MAGI2: variants seen among roughly 807,000 people sequenced by gnomAD.
MAGI2 encodes the protein membrane-associated guanylate kinase, WW and PDZ domain-containing protein 2.
In MAGI2, 35 loss-of-function variants were observed where a neutral mutation model predicts 133.3. That is an observed-to-expected ratio of 0.26 (90% CI 0.20 to 0.35). The LOEUF (loss-of-function observed/expected upper bound fraction) is 0.35, where lower values mean the gene tolerates loss of function less well. MAGI2 is among the 10% of genes least tolerant of loss of function. The pLI is 1.00. For synonymous variants in MAGI2, 729 were observed against 710.6 expected (o/e 1.03, Z -0.41); for missense variants, 1,636 against 1,863.4 (o/e 0.88, Z 2.25).
intron 12 of MAGI2, among the ~76,000 whole-genome samples, chr7:78,191,354 T>C (rs1828194251): frequency 1.3e-5 from 2 of 152,166 alleles, no homozygotes; most frequent in South Asian, 4.2e-4. Flanking sequence ...ACTCTCAGTA[T>C]TTAGTTATTT....
chr7:79,003,562 G>T (rs1807112834), intron 2 of MAGI2, among the ~76,000 whole-genome samples: 1 of 152,128 alleles, frequency 6.6e-6, no homozygotes, highest in Non-Finnish European at 1.5e-5. Context: ...AAACCAATGA[G>T]AATTTCTTTG....
chr7:79,001,110 T>C (rs1806813831), intron 2 of MAGI2, among the ~76,000 whole-genome samples: 1 of 152,110 alleles, frequency 6.6e-6, no homozygotes, highest in Non-Finnish European at 1.5e-5. Context: ...AGAAATGGGG[T>C]TTCACCATGT....
chr7:78,514,440 A>G (rs1447949345), intron 4 of MAGI2, among the ~76,000 whole-genome samples: 7 of 152,186 alleles, frequency 4.6e-5, no homozygotes, highest in Admixed American at 4.6e-4. Flanking sequence ...CTGGTCATTT[A>G]TAGATGGAAT....
chr7:79,004,072 C>A (rs952217132), intron 2 of MAGI2, among the ~76,000 whole-genome samples: 3 of 152,184 alleles, frequency 2.0e-5, no homozygotes, highest in Admixed American at 6.5e-5. Flanking sequence ...ATAGAATTGC[C>A]ATATGGTTCA....
At chr7:78,815,836 T>C (rs1219024124) in intron 2 of MAGI2, among the ~76,000 whole-genome samples, 1 of 152,188 alleles carries the variant, frequency 6.6e-6, no homozygotes, top group African/African-American at 2.4e-5. Flanking sequence ...TCTCTAAGAC[T>C]TAACAATATT....
intron 10 of MAGI2, among the ~76,000 whole-genome samples, chr7:78,247,245 T>C (rs1031118915): frequency 6.6e-6 from 1 of 151,880 alleles, no homozygotes; most frequent in East Asian, 1.9e-4. Flanking sequence ...GCCACTGCTG[T>C]TGCCACAAAC....
chr7:79,306,845 A>G (rs1021256255), intron 1 of MAGI2, among the ~76,000 whole-genome samples: 3 of 150,840 alleles, frequency 2.0e-5, no homozygotes, highest in African/African-American at 7.3e-5. Flanking sequence ...GATGGAGTCT[A>G]GCTCTGTCAC....
intron 5 of MAGI2, among the ~76,000 whole-genome samples, chr7:78,495,202 T>G (rs930671312): frequency 1.3e-5 from 2 of 152,146 alleles, no homozygotes; most frequent in Non-Finnish European, 2.9e-5. Context: ...CATGGTGGTT[T>G]GCTGCACCCA....
At chr7:79,189,243 G>A (rs976565880) in intron 1 of MAGI2, among the ~76,000 whole-genome samples, 1 of 147,508 alleles carries the variant, frequency 6.8e-6, no homozygotes, top group African/African-American at 2.6e-5. Context: ...TGTACCAGAG[G>A]GTTTATTGTC....
intron 7 of MAGI2, among the ~76,000 whole-genome samples, chr7:78,355,606 T>C (rs1370067227): frequency 6.6e-6 from 1 of 152,216 alleles, no homozygotes; most frequent in Non-Finnish European, 1.5e-5. Flanking sequence ...AAACAAAGCC[T>C]AGCTCCGTGT....
At chr7:78,416,003 A>G (rs965791515) in intron 6 of MAGI2, among the ~76,000 whole-genome samples, 3 of 152,110 alleles carry the variant, frequency 2.0e-5, no homozygotes, top group Admixed American at 6.6e-5. Flanking sequence ...TCCCAGTTCC[A>G]GGGAGCAGAA....
chr7:79,232,252 C>A (rs1377536667), intron 1 of MAGI2, among the ~76,000 whole-genome samples: 1 of 150,990 alleles, frequency 6.6e-6, no homozygotes, highest in Non-Finnish European at 1.5e-5. Flanking sequence ...GTCTAAAATT[C>A]TCTTTTTTGG....
intron 3 of MAGI2, among the ~76,000 whole-genome samples, chr7:78,553,305 G>A (rs182947944): frequency 9.9e-5 from 15 of 152,028 alleles, no homozygotes; most frequent in Admixed American, 3.9e-4. Context: ...AAAGTTTTCC[G>A]TATTACTCTC....
At chr7:78,402,427 T>A (rs1796975958) in intron 6 of MAGI2, among the ~76,000 whole-genome samples, 1 of 151,774 alleles carries the variant, frequency 6.6e-6, no homozygotes, top group Admixed American at 6.6e-5. Context: ...CCACCTGGGG[T>A]ATGCATGTGT....
intron 21 of MAGI2, among the ~76,000 whole-genome samples, chr7:78,067,524 C>T (rs1204703827): frequency 6.6e-6 from 1 of 152,186 alleles, no homozygotes; most frequent in East Asian, 1.9e-4. Flanking sequence ...CGACCAGAGA[C>T]CTTGCTACAG....
intron 2 of MAGI2, among the ~76,000 whole-genome samples, chr7:78,650,718 TC>T (rs1427973543): frequency 6.6e-6 from 1 of 152,188 alleles, no homozygotes; most frequent in Non-Finnish European, 1.5e-5. Context: ...GTCTTTGTCC[TC>T]CCTTCACTAA....
At chr7:78,226,736 T>C (rs989775556) in intron 10 of MAGI2, among the ~76,000 whole-genome samples, 1 of 152,218 alleles carries the variant, frequency 6.6e-6, no homozygotes, top group African/African-American at 2.4e-5. Flanking sequence ...TGCGTGTGTA[T>C]GTATATATGT....
At chr7:78,846,192 A>C (rs1177147636) in intron 2 of MAGI2, among the ~76,000 whole-genome samples, 1 of 151,842 alleles carries the variant, frequency 6.6e-6, no homozygotes, top group Non-Finnish European at 1.5e-5. Flanking sequence ...TTCAAAAAGA[A>C]AAAAAAATGA....
At chr7:78,826,747 C>G (rs1184860248) in intron 2 of MAGI2, among the ~76,000 whole-genome samples, 1 of 152,020 alleles carries the variant, frequency 6.6e-6, no homozygotes, top group Non-Finnish European at 1.5e-5. Context: ...TATGAAACAG[C>G]CTCACTGACG....
Sources: allele counts gnomAD v4.1 joint callset (sites outside exome capture counted in the v4.1 genomes callset), GRCh38; gene constraint gnomAD v4.1.1; transcripts MANE v1.5; gene names NCBI Gene and HGNC (gene_info 2026-07-23, HGNC 2026-07-21).